ELMO1: variants seen among roughly 807,000 people sequenced by gnomAD.
ELMO1 encodes engulfment and cell motility 1.
ELMO1 carries 26 observed loss-of-function variants against 98.9 expected under a neutral mutation model. That is an observed-to-expected ratio of 0.26 (90% CI 0.19 to 0.36). ELMO1 has a LOEUF of 0.36. Among genes scored for constraint, ELMO1 ranks in the 10% least tolerant of loss-of-function variants. The pLI, the probability that ELMO1 is intolerant of heterozygous loss-of-function variation, is 1.00. For synonymous variants in ELMO1, 346 were observed against 346.0 expected (o/e 1.00, Z 0.00); for missense variants, 627 against 935.2 (o/e 0.67, Z 4.30).
chr7:37,348,834 C>G (rs1012572010), intron 1 of ELMO1, among the ~76,000 whole-genome samples: 45 of 152,144 alleles, frequency 3.0e-4, no homozygotes, highest in African/African-American at 9.4e-4. Flanking sequence ...TCTTTCGGTT[C>G]CACAAAGGTC....
intron 14 of ELMO1, among the ~76,000 whole-genome samples, chr7:37,114,760 T>C (rs1785471343): frequency 6.6e-6 from 1 of 151,328 alleles, no homozygotes; most frequent in East Asian, 1.9e-4. Context: ...AAAAAAATAA[T>C]GGAGTGGAAA....
At position 37,263,918 on chromosome 7, in the gene ELMO1, T is replaced by A. The variant is rs180720444; in HGVS notation, c.244-4568A>T. Among the ~76,000 whole-genome samples the A allele has an allele frequency of 3.3e-5, 5 of 152,290 alleles. No individual in the cohort carries two copies. In the East Asian group the frequency reaches 9.6e-4, roughly 29 times the overall value. Reference sequence around the variant, plus strand: ...AATGGATGCATGTAAATATCGGAGATGGATGTGTGGTACATTTGGAGCCCT... The same window carrying A: ...AATGGATGCATGTAAATATCGGAGAAGGATGTGTGGTACATTTGGAGCCCT... On this transcript the variant is annotated intron_variant, in intron 5 of 21. Coordinates refer to ENST00000310758, the MANE Select transcript of ELMO1 (RefSeq NM_014800.11).
At chr7:37,445,307 G>C (rs1192548263) in intron 1 of ELMO1, among the ~76,000 whole-genome samples, 1 of 152,232 alleles carries the variant, frequency 6.6e-6, no homozygotes, top group Non-Finnish European at 1.5e-5. Flanking sequence ...ACGTTTTCCA[G>C]ATTCAACAGA....
chr7:37,056,982 C>A (rs1265414165), intron 15 of ELMO1, among the ~76,000 whole-genome samples: 2 of 152,086 alleles, frequency 1.3e-5, no homozygotes, highest in Non-Finnish European at 2.9e-5. Flanking sequence ...AAATTCTTAT[C>A]AAAAATGTCC....
intron 15 of ELMO1, among the ~76,000 whole-genome samples, chr7:37,071,419 C>T (rs529350996): frequency 6.6e-6 from 1 of 152,262 alleles, no homozygotes; most frequent in Non-Finnish European, 1.5e-5. Context: ...CCAAAGCTGG[C>T]CTCACGCTCT....
At chr7:37,030,757 A>G (rs879494225) in intron 15 of ELMO1, among the ~76,000 whole-genome samples, 1 of 152,000 alleles carries the variant, frequency 6.6e-6, no homozygotes, top group African/African-American at 2.4e-5. Flanking sequence ...TTCTGCCCAA[A>G]GTTCTTTTCT....
chr7:37,204,835 C>T (rs1156303799), intron 13 of ELMO1, among the ~76,000 whole-genome samples: 4 of 152,106 alleles, frequency 2.6e-5, no homozygotes, highest in Non-Finnish European at 5.9e-5. Context: ...ATTAGCTAGA[C>T]ACAGAGTGCT....
intron 16 of ELMO1, among the ~76,000 whole-genome samples, chr7:36,923,764 T>C (rs965132336): frequency 7.9e-5 from 12 of 152,160 alleles, no homozygotes; most frequent in African/African-American, 1.2e-4. Flanking sequence ...AACTATAATA[T>C]ACTACAGGTA....
chr7:37,078,118 A>T lies in ELMO1; in HGVS notation c.1300+18501T>A, dbSNP rs190143017. ...AGGCCCCTGAAAATATTTTAAGTTC[A>T]ATTTAAATCAGAAGGAAAACGTAAA... On this transcript the variant is annotated intron_variant, in intron 15 of 21. Transcript: ENST00000310758. 2.6e-5 allele frequency among the ~76,000 whole-genome samples: 4 copies of T among 152,332 alleles called. No individual in the cohort carries two copies. In the East Asian group the frequency reaches 7.7e-4, roughly 29 times the overall value.
chr7:37,246,185 A>G (rs1794996797), intron 6 of ELMO1, among the ~76,000 whole-genome samples: 1 of 152,206 alleles, frequency 6.6e-6, no homozygotes, highest in Non-Finnish European at 1.5e-5. Flanking sequence ...ATAAATACGT[A>G]GGGAAAAAAC....
intron 13 of ELMO1, among the ~76,000 whole-genome samples, chr7:37,190,917 G>A (rs936775408): frequency 6.6e-6 from 1 of 151,888 alleles, no homozygotes; most frequent in Admixed American, 6.6e-5. Context: ...GGCCAGGCAC[G>A]GTGGCTCAAG....
chr7:36,878,512 C>A (rs1185131504), intron 18 of ELMO1, among the ~76,000 whole-genome samples: 2 of 152,106 alleles, frequency 1.3e-5, no homozygotes, highest in Non-Finnish European at 2.9e-5. Context: ...TTTCTGCTTC[C>A]ACTTTCCTCT....
intron 13 of ELMO1, among the ~76,000 whole-genome samples, chr7:37,171,682 C>T (rs1056046627): frequency 2.3e-4 from 35 of 151,648 alleles, no homozygotes; most frequent in Middle Eastern, 3.4e-3. Context: ...TTAGTGGAGA[C>T]GGGGTTTCAC....
At chr7:36,963,270 C>G (rs781703575) in intron 16 of ELMO1, among the ~76,000 whole-genome samples, 10 of 152,026 alleles carry the variant, frequency 6.6e-5, no homozygotes, top group African/African-American at 1.2e-4. Context: ...CCTAGCTATT[C>G]AGGAGACTGA....
intron 16 of ELMO1, among the ~76,000 whole-genome samples, chr7:37,004,954 C>G (rs1792943276): frequency 1.3e-5 from 2 of 151,370 alleles, no homozygotes; most frequent in South Asian, 4.2e-4. Context: ...ACTAAAAATA[C>G]AAAAATTAGC....
intron 9 of ELMO1, among the ~76,000 whole-genome samples, chr7:37,223,638 C>T (rs1214965385): frequency 6.6e-6 from 1 of 152,110 alleles, no homozygotes; most frequent in African/African-American, 2.4e-5. Flanking sequence ...ACAAAAGACA[C>T]AGTATATAAA....
At chr7:37,028,612 CT>C (rs1272659735) in intron 15 of ELMO1, among the ~76,000 whole-genome samples, 1 of 152,096 alleles carries the variant, frequency 6.6e-6, no homozygotes, top group Non-Finnish European at 1.5e-5. Flanking sequence ...GAGAGAAAGT[CT>C]TATGGTCTTG....
At chr7:37,287,138 A>G (rs1336267076) in intron 4 of ELMO1, among the ~76,000 whole-genome samples, 2 of 151,794 alleles carry the variant, frequency 1.3e-5, no homozygotes, top group African/African-American at 4.8e-5. Flanking sequence ...GGTTGCAATG[A>G]GCCGAGATCA....
At chr7:36,868,578 G>A (rs1803238880) in intron 20 of ELMO1, among the ~76,000 whole-genome samples, 2 of 152,068 alleles carry the variant, frequency 1.3e-5, no homozygotes, top group South Asian at 4.1e-4. Context: ...TCGAACTCCT[G>A]ACCTTGTGAT....
Sources: gnomAD v4.1 joint callset for allele counts (sites outside exome capture counted in the v4.1 genomes callset) on GRCh38, gnomAD v4.1.1 for gene constraint, MANE v1.5 for transcripts, NCBI Gene and HGNC (gene_info 2026-07-23, HGNC 2026-07-21) for gene names.